Variants in MRPL52 observed in about 807,000 individuals in gnomAD.
MRPL52 encodes mitochondrial ribosomal protein L52.
MRPL52 carries 19 observed loss-of-function variants against 22.1 expected under a neutral mutation model. The ratio of observed to expected loss-of-function variants is 0.86; its 90% CI spans 0.60 to 1.26. The LOEUF is 1.26. MRPL52 is among the 50% of genes most tolerant of loss of function. MRPL52 has a pLI of 0.00. For missense variants in MRPL52, 152 were observed against 148.1 expected, an observed-to-expected ratio of 1.03 and a Z score of -0.14; for synonymous variants, 50 against 57.5, an observed-to-expected ratio of 0.87 and a Z score of 0.59.
At chr14:22,833,953 G>T (rs544541245) in intron 4 of MRPL52, among the ~76,000 whole-genome samples, 1 of 152,314 alleles carries the variant, frequency 6.6e-6, no homozygotes, top group South Asian at 2.1e-4. Context: ...CTGTGAGAAG[G>T]GAGGAAGAGA....
chr14:22,830,837 G>A (rs1227250546), intron 3 of MRPL52: 12 of 611,746 alleles, frequency 2.0e-5, no homozygotes, highest in Non-Finnish European at 3.1e-5. Context: ...GGAAATTTGA[G>A]GCCTACAGAA....
rs1180404358 is a variant in MRPL52 at position 22,829,925 on chromosome 14, G to C, written c.13G>C (p.Gly5Arg). 23 of 1,594,100 alleles carry C rather than the reference G, an allele frequency of 1.4e-5. 1 individual carries two copies. The East Asian group carries it at 4.6e-4, about 32-fold the overall frequency. MAAL[G>R]TVLFSVRRLH... Reference sequence around the variant, plus strand: ...ACTCCTGCTCAGCATGGCTGCTTTAGGGACTGTTCTCTTCAGTGAGTGGGT... The same window carrying C: ...ACTCCTGCTCAGCATGGCTGCTTTACGGACTGTTCTCTTCAGTGAGTGGGT... Residue 5 changes from glycine (G) to arginine (R), a missense_variant, in exon 1 of 5, where the codon GGG (glycine) becomes CGG (arginine). Gly to Arg is a moderately radical substitution (Grantham distance 125). Transcript: ENST00000397496.
At chr14:22,833,616 TTTTTG>T in intron 4 of MRPL52, 134 bp downstream of exon 4, 3 of 618,826 alleles carry the variant, frequency 4.8e-6, no homozygotes, top group Non-Finnish European at 8.4e-6. Context: ...CCAAAGGTTT[TTTTTG>T]TTTTTGTTTT....
chr14:22,830,723 C>A (rs1566474419), intron 3 of MRPL52: 2 of 438,244 alleles, frequency 4.6e-6, no homozygotes, highest in Non-Finnish European at 8.1e-6. Context: ...CCTTTACTTA[C>A]AAAAGAGAGA....
chr14:22,830,195 T>A lies in MRPL52; in HGVS notation c.95T>A (p.Leu32Gln). 1 of 1,614,244 alleles carries A rather than the reference T, an allele frequency of 6.2e-7. No homozygotes were observed. Among genetic ancestry groups the A allele is most frequent in the Non-Finnish European group, 8.5e-7 (1 of 1,180,036 alleles). ...AGGQWRLQQG[L>Q]AANPSGYGPL... ...TGTTTTTCTCCACACAGGCAGGGAC[T>A]GGCTGCCAACCCCTCCGGCTACGGG... Residue 32 changes from leucine (L) to glutamine (Q), a missense_variant, in exon 3 of 5, where the codon CTG (leucine) becomes CAG (glutamine). By Grantham distance (113) the Leu-to-Gln change is moderately radical. Transcript: ENST00000397496.
At chr14:22,830,285 G>C (rs1450715370) in intron 3 of MRPL52, 31 bp downstream of exon 3, 2 of 1,613,094 alleles carry the variant, frequency 1.2e-6, no homozygotes. Flanking sequence ...TAACTCCACT[G>C]GGGAGATTTT....
intron 3 of MRPL52, chr14:22,830,726 AAG>A (rs1410339540): frequency 9.0e-6 from 4 of 445,770 alleles, no homozygotes; most frequent in South Asian, 3.7e-5. Flanking sequence ...TTACTTACAA[AAG>A]AGAGAGGGAG....
intron 3 of MRPL52, 144 bp downstream of exon 3, chr14:22,830,398 A>G: frequency 1.3e-6 from 1 of 778,444 alleles, no homozygotes; most frequent in African/African-American, 1.7e-5. Context: ...GGGGAAAGAA[A>G]CCCTCTTGTT....
intron 3 of MRPL52, 86 bp downstream of exon 3, chr14:22,830,340 G>T: frequency 3.7e-6 from 5 of 1,368,974 alleles, no homozygotes; most frequent in Non-Finnish European, 5.2e-6. Context: ...GGGTATCAAG[G>T]TGGGGGCGTG....
intron 3 of MRPL52, chr14:22,831,714 G>T (rs1566475273): frequency 6.6e-6 from 1 of 152,214 alleles, no homozygotes; most frequent in African/African-American, 2.4e-5. Flanking sequence ...CATCTTTTCA[G>T]CAAGTCAGCA....
At chr14:22,831,228 T>G (rs1251142834) in intron 3 of MRPL52, 1 of 496,896 alleles carries the variant, frequency 2.0e-6, no homozygotes, top group African/African-American at 2.1e-5. Context: ...TCCTCCCACC[T>G]CAGCCCCCCA....
At chr14:22,832,161 A>G (rs1012324582) in intron 3 of MRPL52, 3 of 152,318 alleles carry the variant, frequency 2.0e-5, no homozygotes, top group Admixed American at 6.5e-5. Flanking sequence ...TTCAGAAGAG[A>G]AGGCTGATGG....
At position 22,834,265 on chromosome 14, in the gene MRPL52, G is replaced by C. The variant is rs774586029; in HGVS notation, c.313G>C (p.Glu105Gln). The C allele has an allele frequency of 1.4e-5, 23 of 1,613,980 alleles. No individual in the cohort carries two copies. The highest frequency in any genetic ancestry group is 1.9e-5 in the Non-Finnish European group (22 of 1,180,020). ...GTTGCAGGAAGAACAAAGGAAGCAG[G>C]AAAATGCTCTTAAACCCAAAGGGGC... ...QKLQEEQRKQ[E>Q]NALKPKGASL... Residue 105 changes from glutamate (E) to glutamine (Q), a missense_variant, in exon 5 of 5, where the codon GAA (glutamate) becomes CAA (glutamine). Transcript: ENST00000397496.
chr14:22,830,338 AGG>A (rs1157034614), intron 3 of MRPL52, 84 bp downstream of exon 3: 6 of 1,394,424 alleles, frequency 4.3e-6, no homozygotes, highest in African/African-American at 4.3e-5. Flanking sequence ...GGGGGTATCA[AGG>A]TGGGGGCGTG....
intron 3 of MRPL52, chr14:22,830,998 T>A: frequency 6.5e-7 from 1 of 1,534,134 alleles, no homozygotes; most frequent in Non-Finnish European, 8.7e-7. Context: ...AATTGGTGAC[T>A]GAGGAAGATG....
Position 22,834,995 on chromosome 14 carries a change from G to C in MRPL52, c.*674G>C, listed in dbSNP as rs1045668077. ...CTTTAACAGCTCATGCACAGTTTAG[G>C]CCATGTACAGCTGGCATCTAATAAA... is the stretch of plus-strand genomic sequence containing the variant. On this transcript the variant is annotated 3_prime_UTR_variant, in exon 5 of 5. Coordinates refer to ENST00000397496, the MANE Select transcript of MRPL52 (RefSeq NM_180982.3). 1 of 152,198 alleles carries C rather than the reference G, an allele frequency of 6.6e-6. No homozygotes were observed. The highest frequency in any genetic ancestry group is 1.9e-4 in the East Asian group (1 of 5,204). The allele number at this position is 152,198 out of a possible 1,614,324, so 9.4% of individuals were successfully genotyped here.
Position 22,834,293 on chromosome 14 carries a change from C to A in MRPL52, c.341C>A (p.Ser114Ter), listed in dbSNP as rs888101634. The A allele has an allele frequency of 1.9e-6, 3 of 1,613,706 alleles. No individual in the cohort carries two copies. The African/African-American group carries it at 4.0e-5, about 22-fold the overall frequency. Residue 114 changes from serine to a stop codon, truncating the protein, a stop_gained, in exon 5 of 5, where the codon TCA (serine) becomes TAA (stop). Coordinates refer to ENST00000397496, the MANE Select transcript of MRPL52 (RefSeq NM_180982.3). LOFTEE classifies it high-confidence loss of function. ...AATGCTCTTAAACCCAAAGGGGCTT[C>A]ACTGAAGAGCCCACTTCCAAGTCAA... ...QENALKPKGA[S>*]LKSPLPSQ
At chr14:22,830,850 G>T in intron 3 of MRPL52, 1 of 689,572 alleles carries the variant, frequency 1.5e-6, no homozygotes, top group Non-Finnish European at 2.4e-6. Flanking sequence ...CTACAGAAGT[G>T]AATTGCACAT....
intron 4 of MRPL52, among the ~76,000 whole-genome samples, 164 bp from the exon 5 acceptor site, chr14:22,834,008 C>T (rs76693494): frequency 2.5e-4 from 38 of 152,328 alleles, no homozygotes; most frequent in African/African-American, 9.1e-4. Flanking sequence ...CATCCTGCTG[C>T]ACATTTTGCT....
Sources: gnomAD v4.1 joint callset for allele counts (sites outside exome capture counted in the v4.1 genomes callset) on GRCh38, gnomAD v4.1.1 for gene constraint, MANE v1.5 for transcripts, NCBI Gene and HGNC (gene_info 2026-07-23, HGNC 2026-07-21) for gene names.